EPHA4: variants seen among roughly 807,000 people sequenced by gnomAD.
EPHA4 encodes ephrin type-A receptor 4.
A neutral mutation model predicts 108.3 loss-of-function variants in EPHA4; 19 were observed. That is an observed-to-expected ratio of 0.18 (90% CI 0.12 to 0.26). The LOEUF (loss-of-function observed/expected upper bound fraction) is 0.26, where lower values mean the gene tolerates loss of function less well. Ranked by LOEUF, EPHA4 falls within the 10% of genes least tolerant of loss-of-function variation. EPHA4 has a pLI of 1.00. For missense variants in EPHA4, 917 were observed against 1,254.0 expected (o/e 0.73, Z 4.06); for synonymous variants, 449 against 455.5 (o/e 0.99, Z 0.18).
chr2:221,425,811 A>T lies in EPHA4; in HGVS notation c.*217T>A. On this transcript the variant is annotated 3_prime_UTR_variant, in exon 17 of 18. Transcript: ENST00000281821. ...AACAGAAAAGTACTTCTGAGAAACG[A>T]TTTGTTCCAGGTCTCATTCAAATGA... 1 of 542,700 alleles carries T rather than the reference A, an allele frequency of 1.8e-6. No homozygotes were observed. Among genetic ancestry groups the T allele is most frequent in the South Asian group, 2.4e-5 (1 of 41,142 alleles). The allele number at this position is 542,700 out of a possible 1,614,324, so 33.6% of individuals were successfully genotyped here. A position where few individuals can be genotyped will look rare whatever the true frequency, so the allele number is the denominator to read the frequency against.
At position 221,482,467 on chromosome 2, in the gene EPHA4, A is replaced by G. The variant is rs774610097; in HGVS notation, c.1203T>C (p.Thr401=). 6.2e-7 allele frequency: 1 copy of G among 1,614,130 alleles called. No homozygotes were observed. The highest frequency in any genetic ancestry group is 8.5e-7 in the Non-Finnish European group (1 of 1,179,982). ...NGLKTTKVSI[T]DLLAHTNYTF... is the part of the protein sequence containing the mutation. Reference sequence around the variant, plus strand: ...TGTAATTGGTATGAGCTAGGAGGTCAGTGATGGAGACTTTGGTGGTCTTCA... The same window carrying G: ...TGTAATTGGTATGAGCTAGGAGGTCGGTGATGGAGACTTTGGTGGTCTTCA... Residue 401 remains threonine (T), a synonymous_variant, in exon 5 of 18, where the codon ACT becomes ACC. Transcript: ENST00000281821.
At chr2:221,467,912 G>A (rs918535812) in intron 5 of EPHA4, among the ~76,000 whole-genome samples, 1 of 152,162 alleles carries the variant, frequency 6.6e-6, no homozygotes, top group Non-Finnish European at 1.5e-5. Context: ...GCCAGTTTGA[G>A]GCAAACAGGA....
At chr2:221,561,919 C>T (rs1027495332) in intron 3 of EPHA4, among the ~76,000 whole-genome samples, 1 of 152,144 alleles carries the variant, frequency 6.6e-6, no homozygotes, top group African/African-American at 2.4e-5. Context: ...AGATGTGCGG[C>T]TCCTGTCTTA....
intron 5 of EPHA4, among the ~76,000 whole-genome samples, chr2:221,472,251 G>A (rs973350905): frequency 9.1e-5 from 13 of 142,420 alleles, no homozygotes; most frequent in African/African-American, 3.4e-4. Context: ...GAACGAAACT[G>A]TGCTCCTATT....
chr2:221,496,497 C>T (rs569291949), intron 4 of EPHA4, among the ~76,000 whole-genome samples: 2 of 152,334 alleles, frequency 1.3e-5, no homozygotes, highest in East Asian at 1.9e-4. Context: ...TGCTGCCTGA[C>T]TTACGACTAT....
intron 2 of EPHA4, among the ~76,000 whole-genome samples, chr2:221,568,076 C>CT (rs1694723711): frequency 6.6e-6 from 1 of 152,152 alleles, no homozygotes. Flanking sequence ...TGAAGTGATG[C>CT]TTTTTTCAGA....
intron 2 of EPHA4, among the ~76,000 whole-genome samples, chr2:221,565,043 A>G (rs1028161845): frequency 2.6e-5 from 4 of 152,180 alleles, no homozygotes; most frequent in African/African-American, 9.6e-5. Flanking sequence ...GCTATCATTT[A>G]TAACAGTAGA....
chr2:221,525,081 C>A (rs1693281379), intron 3 of EPHA4, among the ~76,000 whole-genome samples: 1 of 152,130 alleles, frequency 6.6e-6, no homozygotes, highest in Non-Finnish European at 1.5e-5. Flanking sequence ...CACCAAATTA[C>A]ATGCCCATGA....
intron 5 of EPHA4, among the ~76,000 whole-genome samples, chr2:221,466,651 T>G (rs1691322037): frequency 6.6e-6 from 1 of 152,250 alleles, no homozygotes; most frequent in Admixed American, 6.5e-5. Context: ...AATTATGATG[T>G]GCTGAGCATT....
intron 3 of EPHA4, among the ~76,000 whole-genome samples, chr2:221,535,295 A>G (rs1192269496): frequency 7.9e-5 from 12 of 152,190 alleles, no homozygotes; most frequent in Admixed American, 7.2e-4. Context: ...TTGATGTTAA[A>G]AGTGTACATT....
At chr2:221,505,334 A>C (rs1024438867) in intron 3 of EPHA4, among the ~76,000 whole-genome samples, 2 of 151,940 alleles carry the variant, frequency 1.3e-5, no homozygotes, top group Non-Finnish European at 1.5e-5. Flanking sequence ...TTATTTATTT[A>C]TTTTTTTGAG....
chr2:221,467,534 C>CAA (rs1299648674), intron 5 of EPHA4, among the ~76,000 whole-genome samples: 2 of 152,178 alleles, frequency 1.3e-5, no homozygotes, highest in African/African-American at 4.8e-5. Context: ...AAACATACAG[C>CAA]AATCCTTACT....
At chr2:221,450,155 A>G (rs1690733859) in intron 8 of EPHA4, among the ~76,000 whole-genome samples, 1 of 152,214 alleles carries the variant, frequency 6.6e-6, no homozygotes, top group South Asian at 2.1e-4. Flanking sequence ...TGATTGTAAT[A>G]TTCCAGGGAA....
intron 17 of EPHA4, among the ~76,000 whole-genome samples, chr2:221,424,284 C>T (rs1344426375): frequency 6.6e-6 from 1 of 151,960 alleles, no homozygotes; most frequent in Non-Finnish European, 1.5e-5. Flanking sequence ...ACAAATTTCA[C>T]ATTCCTTCTG....
rs372981232 is a variant in EPHA4 at position 221,418,915 on chromosome 2, T to C, written c.*2457A>G. ...ATAGGCACATCCCTTAAAAAATATA[T>C]TAAGGTCCCCAAAAAGGGGTGAATC... On this transcript the variant is annotated 3_prime_UTR_variant, in exon 18 of 18. Transcript: ENST00000281821. 6.6e-6 allele frequency: 1 copy of C among 152,610 alleles called. No individual in the cohort carries two copies. The highest frequency in any genetic ancestry group is 1.5e-5 in the Non-Finnish European group (1 of 68,040). 9.5% of individuals were successfully genotyped at this position (152,610 alleles called of 1,614,324 possible). A position where few individuals can be genotyped will look rare whatever the true frequency, so the allele number is the denominator to read the frequency against.
At chr2:221,570,822 GGACA>G (rs1304456536) in intron 1 of EPHA4, among the ~76,000 whole-genome samples, 3 of 151,254 alleles carry the variant, frequency 2.0e-5, no homozygotes, top group Non-Finnish European at 3.0e-5. Flanking sequence ...ACGGACGGAC[GGACA>G]GATATATGGA....
chr2:221,571,491 A>G lies in EPHA4; in HGVS notation c.91+667T>C, dbSNP rs1694836251. ...AAAAGCTAAAACTCGACTGCGTTCAACTTGCCGGCGGGTTCCCCAAGTCTG... is the reference window on the plus strand; with the variant it reads ...AAAAGCTAAAACTCGACTGCGTTCAGCTTGCCGGCGGGTTCCCCAAGTCTG... On this transcript the variant is annotated intron_variant, in intron 1 of 17. Transcript: ENST00000281821. The surrounding 1 kb of genome is among the most constrained non-coding windows in gnomAD (Gnocchi z 6.3). 6.6e-6 allele frequency among the ~76,000 whole-genome samples: 1 copy of G among 152,234 alleles called. No individual in the cohort carries two copies. The highest frequency in any genetic ancestry group is 1.5e-5 in the Non-Finnish European group (1 of 68,042).
intron 3 of EPHA4, among the ~76,000 whole-genome samples, chr2:221,520,439 ATATT>A (rs1440479862): frequency 2.0e-5 from 3 of 152,072 alleles, no homozygotes; most frequent in African/African-American, 7.2e-5. Flanking sequence ...CTTTGAACAT[ATATT>A]TATTTACTTT....
At chr2:221,451,744 A>G (rs1374638784) in intron 8 of EPHA4, among the ~76,000 whole-genome samples, 1 of 152,230 alleles carries the variant, frequency 6.6e-6, no homozygotes, top group Non-Finnish European at 1.5e-5. Context: ...GTTGCTTAAC[A>G]TAAATGTGGG....
Sources: allele counts gnomAD v4.1 joint callset (sites outside exome capture counted in the v4.1 genomes callset), GRCh38; gene constraint gnomAD v4.1.1; non-coding constraint Gnocchi (gnomAD v3.1); transcripts MANE v1.5; gene names NCBI Gene and HGNC (gene_info 2026-07-23, HGNC 2026-07-21).